The following ESR2 variants were observed in gnomAD, a reference collection of about 807,000 sequenced individuals.
The protein encoded by ESR2 is estrogen receptor beta.
In ESR2, 36 loss-of-function variants were observed where a neutral mutation model predicts 49.6. That is an observed-to-expected ratio of 0.73 (90% CI 0.56 to 0.96). The LOEUF is 0.96. Among genes scored for constraint, ESR2 ranks in the 40% least tolerant of loss-of-function variants. ESR2 has a pLI of 0.00. For missense variants in ESR2, 714 were observed against 693.0 expected, an observed-to-expected ratio of 1.03 and a Z score of -0.34; for synonymous variants, 320 against 266.1, an observed-to-expected ratio of 1.20 and a Z score of -1.97.
At chr14:64,327,128 G>GT (rs1206610262) in intron 1 of ESR2, among the ~76,000 whole-genome samples, 3 of 151,856 alleles carry the variant, frequency 2.0e-5, no homozygotes, top group African/African-American at 7.3e-5. Context: ...TCTAGAATGG[G>GT]TTTTTTTTGT....
chr14:64,264,867 AC>A (rs1291811355), intron 4 of ESR2, among the ~76,000 whole-genome samples: 1 of 130,164 alleles, frequency 7.7e-6, no homozygotes, highest in Non-Finnish European at 1.6e-5. Context: ...GCAGAGTGAT[AC>A]CCTGTCTCAA....
At position 64,300,018 on chromosome 14, in the gene ESR2, C is replaced by T. The variant is rs940559875; in HGVS notation, c.-90-16943G>A. Among the ~76,000 whole-genome samples, 12 of 152,270 alleles carry T rather than the reference C, an allele frequency of 7.9e-5. 1 individual carries two copies. Among genetic ancestry groups the T allele is most frequent in the Admixed American group, 5.2e-4 (8 of 15,304 alleles). On this transcript the variant is annotated intron_variant, in intron 1 of 8. Coordinates refer to the ESR2 transcript ENST00000358599. ...TGCTCATAGTCAAGTCAAGTGCTTC[C>T]TCAGCCTGCTCCACGTATTCTACCA...
At chr14:64,277,722 C>T (rs927657278) in intron 3 of ESR2, among the ~76,000 whole-genome samples, 7 of 151,326 alleles carry the variant, frequency 4.6e-5, no homozygotes, top group Admixed American at 4.6e-4. Flanking sequence ...TAAGTGGCCA[C>T]TTTCAGTTAC....
chr14:64,285,688 CGTGGT>C (rs1567778922), intron 1 of ESR2, among the ~76,000 whole-genome samples: 3 of 151,710 alleles, frequency 2.0e-5, no homozygotes, highest in Non-Finnish European at 2.9e-5. Flanking sequence ...GTTAGCCAGG[CGTGGT>C]GGTGCATGCC....
At chr14:64,258,145 G>C (rs2076141775) in intron 5 of ESR2, among the ~76,000 whole-genome samples, 1 of 152,094 alleles carries the variant, frequency 6.6e-6, no homozygotes, top group Non-Finnish European at 1.5e-5. Context: ...GGAGGTCGAG[G>C]CTGTAGTGAG....
In ESR2 at chr14:64,294,356, T is replaced by G. The variant is rs2076924477; in HGVS notation, c.-414A>C. 6.6e-6 allele frequency: 1 copy of G among 152,398 alleles called. No homozygotes were observed. Among genetic ancestry groups the G allele is most frequent in the African/African-American group, 2.4e-5 (1 of 41,470 alleles). The allele number at this position is 152,398 out of a possible 1,614,324, so 9.4% of individuals were successfully genotyped here. A position where few individuals can be genotyped will look rare whatever the true frequency, so the allele number is the denominator to read the frequency against. On this transcript the variant is annotated 5_prime_UTR_variant, in exon 1 of 9. Coordinates refer to ENST00000341099, the MANE Select transcript of ESR2 (RefSeq NM_001437.3). ...CCAAAAAGCCAGCAGCTGGAGAAACTGAAAAGATCACAAGCGACTTAACGA... is the reference window on the plus strand; with the variant it reads ...CCAAAAAGCCAGCAGCTGGAGAAACGGAAAAGATCACAAGCGACTTAACGA...
rs180684330 is a variant in ESR2 at position 64,323,771 on chromosome 14, A to G, written c.-91+14127T>C. Among the ~76,000 whole-genome samples, 77 of 152,294 alleles carry G rather than the reference A, an allele frequency of 5.1e-4. 1 individual carries two copies. The East Asian group carries it at 0.013, about 26-fold the overall frequency. On this transcript the variant is annotated intron_variant, in intron 1 of 8. Transcript: ENST00000358599. ...CAGTGGCACGATCTCAGCTCACTGC[A>G]ACCTCCACTTCCCAGGTTCAATCGA... is the stretch of plus-strand genomic sequence containing the variant.
chr14:64,328,051 C>CAA (rs748229456), intron 1 of ESR2, among the ~76,000 whole-genome samples: 1,725 of 87,098 alleles, frequency 0.02, 42 homozygotes, highest in East Asian at 0.12. Flanking sequence ...ACTAAAAATA[C>CAA]AAAAAAAAAA....
intron 7 of ESR2, among the ~76,000 whole-genome samples, chr14:64,244,641 A>G (rs764574913): frequency 3.9e-5 from 6 of 152,116 alleles, no homozygotes; most frequent in Non-Finnish European, 7.4e-5. Flanking sequence ...CAGGCCTTCA[A>G]TCTCAAACTG....
At position 64,271,110 on chromosome 14, in the gene ESR2, CT is replaced by C. The variant is rs200727109; in HGVS notation, c.536-2200del. On this transcript the variant is annotated intron_variant, in intron 3 of 8. Transcript: ENST00000341099. ...TTATTAAAATACTTTGATTTATCAT[CT>C]TTTTTTTTTTCCGAGACAGGGTCTC... Among the ~76,000 whole-genome samples the C allele has an allele frequency of 2.4e-3, 349 of 147,236 alleles. 2 individuals are homozygous for C. The highest frequency in any genetic ancestry group is 0.019 in the South Asian group (87 of 4,686).
At chr14:64,316,274 C>G (rs996510800) in intron 1 of ESR2, among the ~76,000 whole-genome samples, 1 of 151,248 alleles carries the variant, frequency 6.6e-6, no homozygotes, top group Non-Finnish European at 1.5e-5. Context: ...AGCCTCCCAA[C>G]GTGCTGGGAT....
At position 64,280,124 on chromosome 14, in the gene ESR2, T is replaced by C. The variant is rs760559822; in HGVS notation, c.392A>G (p.Asn131Ser). 6.2e-7 allele frequency: 1 copy of C among 1,614,096 alleles called. No individual in the cohort carries two copies. Among genetic ancestry groups the C allele is most frequent in the South Asian group, 1.1e-5 (1 of 91,076 alleles). The change falls in exon 3 of 9, where the codon AAC becomes AGC. Residue 131 changes from asparagine to serine, a missense_variant. Physicochemically the swap from Asn to Ser is conservative, Grantham distance 46 (BLOSUM62 1). Transcript: ENST00000341099. Reference protein sequence around the residue: ...RETLKRKVSGNRCASPVTGPG... With the variant: ...RETLKRKVSGSRCASPVTGPG... ...ACCAGTAACAGGGCTGGCGCAACGG[T>C]TCCCACTAACCTTCCTTTTCAGTGT...
chr14:64,323,818 A>G (rs2077355982), intron 1 of ESR2, among the ~76,000 whole-genome samples: 1 of 151,818 alleles, frequency 6.6e-6, no homozygotes, highest in African/African-American at 2.4e-5. Flanking sequence ...CAACCTCCCA[A>G]GTAGTTGGGA....
intron 1 of ESR2, among the ~76,000 whole-genome samples, chr14:64,305,861 T>C (rs1456790014): frequency 6.6e-6 from 1 of 152,108 alleles, no homozygotes; most frequent in Non-Finnish European, 1.5e-5. Context: ...CTTCTGTGCA[T>C]AGCAATTGTA....
At chr14:64,295,905 G>A (rs941351227), upstream of ESR2, among the ~76,000 whole-genome samples, 2 of 152,082 alleles carry the variant, frequency 1.3e-5, no homozygotes, top group Non-Finnish European at 2.9e-5. Flanking sequence ...TTGGCTGGAC[G>A]TGGTGGCACA....
At chr14:64,272,637 C>T (rs1567765178) in intron 3 of ESR2, among the ~76,000 whole-genome samples, 1 of 152,048 alleles carries the variant, frequency 6.6e-6, no homozygotes, top group Non-Finnish European at 1.5e-5. Context: ...TTCCCAGCAC[C>T]ATTTATTGAA....
rs1053259455 is a variant in ESR2, at chr14:64,230,040, G to A, written c.*3097C>T. ...CAAATATTAAAAGAATTAGCCAGGA[G>A]TGGTGGTGTGCACCCCAGCTACTCG... On this transcript the variant is annotated 3_prime_UTR_variant, in exon 9 of 9. Coordinates refer to ENST00000341099, the MANE Select transcript of ESR2 (RefSeq NM_001437.3). Among the ~76,000 whole-genome samples, 1 of 151,948 alleles carries A rather than the reference G, an allele frequency of 6.6e-6. No individual in the cohort carries two copies. The highest frequency in any genetic ancestry group is 2.4e-5 in the African/African-American group (1 of 41,384).
chr14:64,257,929 C>A (rs2076136643), intron 5 of ESR2, among the ~76,000 whole-genome samples: 1 of 152,098 alleles, frequency 6.6e-6, no homozygotes. Flanking sequence ...GTGATTCTAT[C>A]CTAAACAGCA....
intron 1 of ESR2, among the ~76,000 whole-genome samples, chr14:64,332,566 C>T (rs1015972080): frequency 3.3e-5 from 5 of 151,914 alleles, no homozygotes; most frequent in African/African-American, 4.8e-5. Context: ...TTTGGGAGGC[C>T]GAGGTGGGTG....
Sources: gnomAD v4.1 joint callset for allele counts (sites outside exome capture counted in the v4.1 genomes callset) on GRCh38, gnomAD v4.1.1 for gene constraint, MANE v1.5 for transcripts, NCBI Gene and HGNC (gene_info 2026-07-23, HGNC 2026-07-21) for gene names.